The following EYS variants were observed in gnomAD, a reference collection of about 807,000 sequenced individuals.
EYS encodes EGF-like photoreceptor maintenance factor.
EYS carries 250 observed loss-of-function variants against 282.1 expected under a neutral mutation model. The ratio of observed to expected loss-of-function variants is 0.89; its 90% CI spans 0.80 to 0.98. The LOEUF (loss-of-function observed/expected upper bound fraction) is 0.98. EYS is among the 50% of genes least tolerant of loss of function. The pLI is 0.00. For missense variants in EYS, 4,016 were observed against 3,709.0 expected (o/e 1.08, Z -2.15); for synonymous variants, 1,355 against 1,282.9 (o/e 1.06, Z -1.20).
chr6:65,527,474 C>T (rs1562241699), intron 2 of EYS, among the ~76,000 whole-genome samples: 1 of 152,190 alleles, frequency 6.6e-6, no homozygotes, highest in African/African-American at 2.4e-5. Flanking sequence ...AAATTGATCA[C>T]ACCTTTCAAC....
chr6:64,679,026 A>G (rs1477686877), intron 22 of EYS, among the ~76,000 whole-genome samples: 4 of 151,196 alleles, frequency 2.6e-5, no homozygotes, highest in African/African-American at 9.7e-5. Context: ...TGTGTTCAAT[A>G]TGTTATACAC....
chr6:65,339,188 G>A (rs1165575512), intron 10 of EYS, among the ~76,000 whole-genome samples: 2 of 150,814 alleles, frequency 1.3e-5, no homozygotes, highest in Non-Finnish European at 3.0e-5. Context: ...TATCTGTCAA[G>A]GTAAAAATTG....
chr6:64,124,329 C>T (rs536967228), intron 31 of EYS, among the ~76,000 whole-genome samples: 17 of 152,278 alleles, frequency 1.1e-4, no homozygotes, highest in Non-Finnish European at 2.1e-4. Context: ...GATACTCCTA[C>T]TCTCATCTAC....
intron 12 of EYS, among the ~76,000 whole-genome samples, chr6:65,104,252 T>G (rs113927746): frequency 2.6e-5 from 4 of 151,504 alleles, no homozygotes; most frequent in African/African-American, 9.7e-5. Context: ...TATGAATTCA[T>G]GCTTTGTGGG....
At chr6:64,119,146 T>C (rs1435044155) in intron 31 of EYS, among the ~76,000 whole-genome samples, 1 of 152,142 alleles carries the variant, frequency 6.6e-6, no homozygotes, top group Non-Finnish European at 1.5e-5. Context: ...TCCATAATCA[T>C]TTGATTCAGA....
At chr6:64,477,128 T>C (rs925003227) in intron 26 of EYS, among the ~76,000 whole-genome samples, 2 of 152,150 alleles carry the variant, frequency 1.3e-5, no homozygotes, top group African/African-American at 4.8e-5. Flanking sequence ...ATGTGAATTA[T>C]GCTTTCCCTT....
rs149868077 is a variant in EYS, at chr6:63,726,378, C to T, written c.8233+141G>A. 901 of 726,470 alleles carry T rather than the reference C, an allele frequency of 1.2e-3. 4 individuals are homozygous for T. The African/African-American group carries it at 0.012, about 10-fold the overall frequency. 45.0% of individuals were successfully genotyped at this position (726,470 alleles called of 1,614,324 possible). On this transcript the variant is annotated intron_variant, in intron 42 of 42. Coordinates refer to ENST00000503581, the MANE Select transcript of EYS (RefSeq NM_001142800.2). The stretch of plus-strand genomic sequence containing the variant: ...AATATCTAGGGCTTCTAAATTCATA[C>T]GCATACACTTGCAGTGACAATAGAA...
At chr6:65,537,288 T>A (rs1220036858) in intron 2 of EYS, among the ~76,000 whole-genome samples, 1 of 152,136 alleles carries the variant, frequency 6.6e-6, no homozygotes, top group Non-Finnish European at 1.5e-5. Flanking sequence ...ATGGCACATG[T>A]ATACCTATGT....
chr6:64,258,672 C>T (rs1767483598), intron 30 of EYS, among the ~76,000 whole-genome samples: 2 of 152,174 alleles, frequency 1.3e-5, no homozygotes, highest in South Asian at 4.1e-4. Flanking sequence ...TAAGTCACTG[C>T]ATTAAAGTAT....
chr6:64,646,622 T>C (rs1236207311), intron 22 of EYS, among the ~76,000 whole-genome samples: 4 of 151,910 alleles, frequency 2.6e-5, no homozygotes, highest in South Asian at 2.1e-4. Context: ...GCTAACACGG[T>C]GAAACCCCGT....
intron 1 of EYS, among the ~76,000 whole-genome samples, chr6:65,706,432 T>C (rs969945873): frequency 6.6e-6 from 1 of 152,040 alleles, no homozygotes; most frequent in African/African-American, 2.4e-5. Context: ...GAACCATAAA[T>C]CTCCTAAATA....
intron 30 of EYS, among the ~76,000 whole-genome samples, chr6:64,291,394 T>C (rs1239804985): frequency 6.6e-6 from 1 of 152,110 alleles, no homozygotes; most frequent in African/African-American, 2.4e-5. Context: ...ATTATATTTG[T>C]ATAAGTAAAA....
intron 1 of EYS, among the ~76,000 whole-genome samples, chr6:65,693,001 A>G (rs1291257496): frequency 6.7e-6 from 1 of 149,942 alleles, no homozygotes; most frequent in African/African-American, 2.4e-5. Context: ...TATTAAGCAA[A>G]TAAATAAATA....
At chr6:64,293,643 G>A (rs192019417) in intron 30 of EYS, among the ~76,000 whole-genome samples, 67 of 152,172 alleles carry the variant, frequency 4.4e-4, no homozygotes, top group Non-Finnish European at 6.2e-4. Context: ...GTATGTAAAT[G>A]CTATGTTTCT....
chr6:64,041,825 T>A (rs567510547), intron 33 of EYS, among the ~76,000 whole-genome samples: 1 of 152,328 alleles, frequency 6.6e-6, no homozygotes, highest in African/African-American at 2.4e-5. Flanking sequence ...TAAGTTTATA[T>A]CTGAGGCAGA....
intron 2 of EYS, among the ~76,000 whole-genome samples, chr6:65,541,151 T>C (rs565982199): frequency 6.6e-6 from 1 of 152,284 alleles, no homozygotes; most frequent in Non-Finnish European, 1.5e-5. Context: ...TCTGGAAATA[T>C]AGCCCTTAAA....
At chr6:64,397,308 T>C (rs1169150099) in intron 28 of EYS, among the ~76,000 whole-genome samples, 3 of 152,044 alleles carry the variant, frequency 2.0e-5, no homozygotes, top group African/African-American at 7.2e-5. Flanking sequence ...ACTGCTCTGG[T>C]AAGATTTTAG....
intron 24 of EYS, among the ~76,000 whole-genome samples, chr6:64,600,389 G>A (rs1207570555): frequency 6.6e-6 from 1 of 151,972 alleles, no homozygotes; most frequent in African/African-American, 2.4e-5. Flanking sequence ...ACCAGAAAGT[G>A]AGAATAATAT....
chr6:64,905,953 TA>T (rs1398114463), intron 16 of EYS, among the ~76,000 whole-genome samples: 1 of 151,814 alleles, frequency 6.6e-6, no homozygotes, highest in Non-Finnish European at 1.5e-5. Flanking sequence ...CTCAAACACT[TA>T]AAAATGTTTT....
Sources: allele counts gnomAD v4.1 joint callset (sites outside exome capture counted in the v4.1 genomes callset), GRCh38; gene constraint gnomAD v4.1.1; transcripts MANE v1.5; gene names NCBI Gene and HGNC (gene_info 2026-07-23, HGNC 2026-07-21).